Variants in GNAT3 observed in about 807,000 individuals in gnomAD.
The protein encoded by GNAT3 is guanine nucleotide-binding protein G(t) subunit alpha-3.
Under a neutral mutation model 37.7 loss-of-function variants are expected in GNAT3, and 31 were observed. The observed-to-expected ratio is 0.82, with a 90% CI of 0.62 to 1.11. GNAT3 has a LOEUF of 1.11. Among genes scored for constraint, GNAT3 ranks in the 50% most tolerant of loss-of-function variants. The probability of loss-of-function intolerance (pLI) is 0.00; values close to 1 mark genes in which losing one functional copy is unlikely to be tolerated. For synonymous variants in GNAT3, 138 were observed against 139.8 expected (o/e 0.99, Z 0.09); for missense variants, 437 against 412.5 (o/e 1.06, Z -0.51).
At chr7:80,488,504 G>T (rs1436180314) in intron 3 of GNAT3, 31 bp downstream of exon 3, 2 of 1,570,544 alleles carry the variant, frequency 1.3e-6, no homozygotes, top group Non-Finnish European at 1.7e-6. Flanking sequence ...TCTATTGCAG[G>T]ACATACAGCT....
rs147562720 is a variant in GNAT3 at position 80,482,403 on chromosome 7, T to C, written c.304-3405A>G. On this transcript the variant is annotated intron_variant, in intron 3 of 7. Coordinates refer to ENST00000398291, the MANE Select transcript of GNAT3 (RefSeq NM_001102386.3). ...CCTAAGGAGAAAAAATTATATATCT[T>C]GTCAGCATAGCTTTACAAACCAAAC... Among the ~76,000 whole-genome samples the C allele has an allele frequency of 1.3e-3, 196 of 152,332 alleles. 5 individuals are homozygous for C. The East Asian group carries it at 0.033, about 26-fold the overall frequency.
Position 80,474,264 on chromosome 7 carries a change from CT to C in GNAT3, c.576del (p.Asp193ThrfsTer9). The C allele has an allele frequency of 6.2e-7, 1 of 1,603,882 alleles. No individual in the cohort carries two copies. The highest frequency in any genetic ancestry group is 8.5e-7 in the Non-Finnish European group (1 of 1,174,494). On this transcript the variant is annotated frameshift_variant, in exon 5 of 8. Transcript: ENST00000398291. LOFTEE classifies it high-confidence loss of function. ...TGIIETQFSF[K>X]DLHFRMFDVG... is the part of the protein sequence containing the mutation. The stretch of plus-strand genomic sequence containing the variant: ...ATTTGATCATACCTGAAGTGCAAGT[CT>C]TTAAAGGAGAATTGAGTTTCAATGA...
chr7:80,478,995 C>T lies in GNAT3; in HGVS notation c.307G>A (p.Asp103Asn), dbSNP rs1790348331. 2 of 1,589,214 alleles carry T rather than the reference C, an allele frequency of 1.3e-6. No individual in the cohort carries two copies. Among genetic ancestry groups the T allele is most frequent in the Middle Eastern group, 1.7e-4 (1 of 5,972 alleles). ...GCCATTGCATAAAGTTGTCGTTGGTCCTCCTAGAACAATATTTTGGTGAGA... is the reference window on the plus strand; with the variant it reads ...GCCATTGCATAAAGTTGTCGTTGGTTCTCCTAGAACAATATTTTGGTGAGA... The part of the protein sequence containing the change: ...IDYVNPRSAE[D>N]QRQLYAMANT... Residue 103 changes from aspartate (D) to asparagine (N), a missense_variant, in exon 4 of 8, where the codon GAC becomes AAC. Transcript: ENST00000398291.
intron 1 of GNAT3, 91 bp from the exon 2 acceptor site, chr7:80,494,738 T>C (rs1368448070): frequency 1.0e-5 from 8 of 783,786 alleles, no homozygotes; most frequent in African/African-American, 1.7e-5. Context: ...ATCTTTAATT[T>C]TTTTTAATAG....
chr7:80,503,337 C>G (rs1248323402), intron 1 of GNAT3, among the ~76,000 whole-genome samples: 2 of 152,120 alleles, frequency 1.3e-5, no homozygotes, highest in East Asian at 3.8e-4. Flanking sequence ...GTTCTTTGTT[C>G]TCATAGAAAT....
chr7:80,506,237 G>T (rs1383913240), intron 1 of GNAT3, among the ~76,000 whole-genome samples: 1 of 152,294 alleles, frequency 6.6e-6, no homozygotes, highest in South Asian at 2.1e-4. Context: ...TTAAACTGTA[G>T]TTAGCAAGAG....
At chr7:80,491,311 G>T (rs1033293431) in intron 2 of GNAT3, among the ~76,000 whole-genome samples, 5 of 152,176 alleles carry the variant, frequency 3.3e-5, no homozygotes, top group Non-Finnish European at 4.4e-5. Flanking sequence ...CCAGATGGGA[G>T]ATAAGTTTAA....
chr7:80,458,790 C>T lies in GNAT3; in HGVS notation c.946G>A (p.Asp316Asn). The change falls in exon 8 of 8, where the codon GAT becomes AAT. Residue 316 changes from aspartate (D) to asparagine (N), a missense_variant. Coordinates refer to ENST00000398291, the MANE Select transcript of GNAT3 (RefSeq NM_001102386.3). ...QFLDLNLKKE[D>N]KEIYSHMTCA... ...GTCATGTGGGAATAAATTTCCTTAT[C>T]TTCTTTTTTTAAATTCAGGTCTAGA... The T allele has an allele frequency of 6.3e-7, 1 of 1,596,544 alleles. No individual in the cohort carries two copies. The highest frequency in any genetic ancestry group is 8.5e-7 in the Non-Finnish European group (1 of 1,171,308).
intron 1 of GNAT3, among the ~76,000 whole-genome samples, chr7:80,506,732 TA>T (rs1790949275): frequency 6.6e-6 from 1 of 152,120 alleles, no homozygotes; most frequent in South Asian, 2.1e-4. Flanking sequence ...AAACATAAAA[TA>T]AATAATTTGT....
At chr7:80,487,834 A>C (rs1188813493) in intron 3 of GNAT3, 2 of 152,132 alleles carry the variant, frequency 1.3e-5, no homozygotes, top group Non-Finnish European at 2.9e-5. Context: ...GGGTGGGGTC[A>C]ACTGTGGTTC....
Position 80,478,867 on chromosome 7 carries a change from T to C in GNAT3, c.435A>G (p.Glu145=). 6.2e-7 allele frequency: 1 copy of C among 1,613,384 alleles called. No homozygotes were observed. The highest frequency in any genetic ancestry group is 8.5e-7 in the Non-Finnish European group (1 of 1,179,494). The change falls in exon 4 of 8, where the codon GAA becomes GAG. Residue 145 remains glutamate, a synonymous_variant. Transcript: ENST00000398291. ...GIQACFERAS[E]YQLNDSAAYY... is the part of the protein sequence containing the mutation. ...AAGCTGCTGAGTCATTGAGCTGATA[T>C]TCAGATGCCCTTTCAAAGCAGGCCT...
intron 3 of GNAT3, among the ~76,000 whole-genome samples, chr7:80,485,547 A>G (rs888326854): frequency 6.6e-6 from 1 of 152,130 alleles, no homozygotes; most frequent in African/African-American, 2.4e-5. Flanking sequence ...ATTTGTAGTT[A>G]CTTGTTAAAC....
intron 5 of GNAT3, 41 bp downstream of exon 5, chr7:80,474,210 G>T (rs1396817868): frequency 7.0e-6 from 11 of 1,579,212 alleles, no homozygotes; most frequent in Non-Finnish European, 9.5e-6. Flanking sequence ...TAAGCCTGAT[G>T]CATACTTCTG....
chr7:80,505,874 T>C (rs1304281776), intron 1 of GNAT3, among the ~76,000 whole-genome samples: 1 of 152,192 alleles, frequency 6.6e-6, no homozygotes, highest in Non-Finnish European at 1.5e-5. Context: ...AAATTCTACA[T>C]TGATATATTT....
intron 7 of GNAT3, among the ~76,000 whole-genome samples, chr7:80,459,891 G>A (rs1448897923): frequency 6.6e-6 from 1 of 152,172 alleles, no homozygotes; most frequent in African/African-American, 2.4e-5. Flanking sequence ...TTGTGGAAAT[G>A]CAAAATAGTG....
chr7:80,461,697 A>G (rs1790052823), intron 7 of GNAT3, among the ~76,000 whole-genome samples: 1 of 152,128 alleles, frequency 6.6e-6, no homozygotes, highest in African/African-American at 2.4e-5. Context: ...TCCAGGATCC[A>G]CGAAAACCGG....
intron 3 of GNAT3, among the ~76,000 whole-genome samples, chr7:80,485,908 T>A (rs1259155374): frequency 6.6e-6 from 1 of 152,114 alleles, no homozygotes; most frequent in African/African-American, 2.4e-5. Context: ...TTTAGAGAGG[T>A]TAACTTGTCC....
At chr7:80,475,806 G>A (rs766602065) in intron 4 of GNAT3, among the ~76,000 whole-genome samples, 21 of 151,942 alleles carry the variant, frequency 1.4e-4, no homozygotes, top group Non-Finnish European at 2.9e-4. Context: ...TGTCCCAAAG[G>A]GATTTCGGCC....
intron 7 of GNAT3, among the ~76,000 whole-genome samples, chr7:80,460,069 G>A (rs891894216): frequency 1.3e-5 from 2 of 152,216 alleles, no homozygotes; most frequent in Middle Eastern, 6.8e-3. Context: ...AAAATTGAGA[G>A]GAACCAAGAT....
Sources: gnomAD v4.1 joint callset for allele counts (sites outside exome capture counted in the v4.1 genomes callset) on GRCh38, gnomAD v4.1.1 for gene constraint, MANE v1.5 for transcripts, NCBI Gene and HGNC (gene_info 2026-07-23, HGNC 2026-07-21) for gene names.